Variants in SNX18 observed in about 807,000 individuals in gnomAD.
SNX18 encodes the protein sorting nexin-18.
A neutral mutation model predicts 48.7 loss-of-function variants in SNX18; 35 were observed. That is an observed-to-expected ratio of 0.72 (90% CI 0.55 to 0.95). SNX18 has a LOEUF of 0.95. Ranked by LOEUF, SNX18 falls within the 40% of genes least tolerant of loss-of-function variation. The probability of loss-of-function intolerance (pLI) is 0.00; values close to 1 mark genes in which losing one functional copy is unlikely to be tolerated. For missense variants in SNX18, 824 were observed against 871.0 expected, an observed-to-expected ratio of 0.95 and a Z score of 0.68; for synonymous variants, 492 against 384.7, an observed-to-expected ratio of 1.28 and a Z score of -3.26.
At position 54,538,438 on chromosome 5, in the gene SNX18, A is replaced by G. The variant is rs932652892; in HGVS notation, c.1622-4741A>G. Among the ~76,000 whole-genome samples, 5 of 151,700 alleles carry G rather than the reference A, an allele frequency of 3.3e-5. No individual in the cohort carries two copies. The East Asian group carries it at 5.8e-4, about 18-fold the overall frequency. Reference sequence around the variant, plus strand: ...TCACTTGAGCTGTTTAAAAGATGTCATATTTTTTTTTCTGTTTACTTCTAG... The same window carrying G: ...TCACTTGAGCTGTTTAAAAGATGTCGTATTTTTTTTTCTGTTTACTTCTAG... On this transcript the variant is annotated intron_variant, in intron 1 of 1. Transcript: ENST00000381410.
chr5:54,541,402 T>G (rs1446466842), intron 1 of SNX18, among the ~76,000 whole-genome samples: 1 of 152,230 alleles, frequency 6.6e-6, no homozygotes, highest in East Asian at 1.9e-4. Flanking sequence ...ATAAATGTTT[T>G]GCAATAAATT....
At chr5:54,589,760 C>T in the SNX18 span, among the ~76,000 whole-genome samples, 1 of 152,132 alleles carries the variant, frequency 6.6e-6, no homozygotes, top group African/African-American at 2.4e-5. Flanking sequence ...TCAATGGATT[C>T]TGCAAAACTA....
chr5:54,587,857 G>A, the SNX18 span, among the ~76,000 whole-genome samples: 1 of 152,314 alleles, frequency 6.6e-6, no homozygotes, highest in South Asian at 2.1e-4. Context: ...TGGCCATCAA[G>A]GATACAGTGT....
the SNX18 span, among the ~76,000 whole-genome samples, chr5:54,626,065 A>G: frequency 2.0e-5 from 3 of 152,240 alleles, no homozygotes; most frequent in Admixed American, 2.0e-4. Flanking sequence ...GCATGATCCA[A>G]TAAAAAAGAC....
At chr5:54,520,785 T>C (rs1413553660) in intron 1 of SNX18, 2 of 167,152 alleles carry the variant, frequency 1.2e-5, no homozygotes, top group Non-Finnish European at 2.9e-5. Context: ...GTGACTGGTC[T>C]TCTGACTCCT....
At chr5:54,588,195 T>C in the SNX18 span, among the ~76,000 whole-genome samples, 1 of 152,092 alleles carries the variant, frequency 6.6e-6, no homozygotes, top group South Asian at 2.1e-4. Context: ...CTAAAAATTC[T>C]GTTTCTAGGC....
chr5:54,573,524 C>A, the SNX18 span, among the ~76,000 whole-genome samples: 1 of 152,144 alleles, frequency 6.6e-6, no homozygotes, highest in Non-Finnish European at 1.5e-5. Context: ...CTTTGAGTAT[C>A]CCCTGATGCA....
the SNX18 span, among the ~76,000 whole-genome samples, chr5:54,565,193 A>G: frequency 3.9e-5 from 6 of 152,336 alleles, no homozygotes; most frequent in African/African-American, 1.4e-4. Context: ...TAGCCATATA[A>G]CATAAAATGT....
the SNX18 span, among the ~76,000 whole-genome samples, chr5:54,615,743 G>A: frequency 2.0e-5 from 3 of 152,148 alleles, no homozygotes; most frequent in Admixed American, 6.5e-5. Flanking sequence ...AAAAAAATGT[G>A]CATGATCCTC....
At chr5:54,616,527 C>A in the SNX18 span, among the ~76,000 whole-genome samples, 1 of 152,148 alleles carries the variant, frequency 6.6e-6, no homozygotes, top group Non-Finnish European at 1.5e-5. Flanking sequence ...AATCCCATCA[C>A]TTTGGGTGGC....
chr5:54,589,638 C>G, the SNX18 span, among the ~76,000 whole-genome samples: 3 of 152,182 alleles, frequency 2.0e-5, no homozygotes, highest in African/African-American at 7.2e-5. Context: ...TATGGGGGTG[C>G]CCAACAGGCC....
the SNX18 span, among the ~76,000 whole-genome samples, chr5:54,580,561 G>A: frequency 3.6e-4 from 55 of 152,260 alleles, no homozygotes; most frequent in South Asian, 6.4e-3. Flanking sequence ...TATATTTTCT[G>A]GAGTGTGCTA....
the SNX18 span, among the ~76,000 whole-genome samples, chr5:54,618,873 GAC>G: frequency 1.3e-5 from 2 of 151,938 alleles, no homozygotes; most frequent in Non-Finnish European, 2.9e-5. Context: ...TAATAAAGGA[GAC>G]AAGTTTTATA....
chr5:54,614,475 G>C, the SNX18 span, among the ~76,000 whole-genome samples: 1 of 152,090 alleles, frequency 6.6e-6, no homozygotes, highest in South Asian at 2.1e-4. Context: ...TAATATACAT[G>C]TTCTTTCTAA....
At chr5:54,540,336 C>T (rs1453121161) in intron 1 of SNX18, among the ~76,000 whole-genome samples, 1 of 152,082 alleles carries the variant, frequency 6.6e-6, no homozygotes, top group East Asian at 1.9e-4. Context: ...CCTCCTCAGC[C>T]TCCTGAGTAG....
intron 1 of SNX18, chr5:54,519,891 G>A (rs12522213): frequency 1.4e-6 from 2 of 1,459,202 alleles, no homozygotes; most frequent in Non-Finnish European, 1.9e-6. Context: ...TTGAGACGAG[G>A]GTAGAATTAG....
chr5:54,635,468 G>A, the SNX18 span, among the ~76,000 whole-genome samples: 1 of 152,058 alleles, frequency 6.6e-6, no homozygotes, highest in Non-Finnish European at 1.5e-5. Context: ...TCTGCTCCAG[G>A]CTTTAAGGAG....
intron 1 of SNX18, among the ~76,000 whole-genome samples, chr5:54,539,940 C>T (rs569921996): frequency 3.3e-5 from 5 of 151,878 alleles, no homozygotes; most frequent in African/African-American, 1.2e-4. Flanking sequence ...GGTGCGATTT[C>T]GGCTCACTGC....
Position 54,545,764 on chromosome 5 carries a change from A to C in SNX18, c.*2332A>C, listed in dbSNP as rs1762567798. The C allele has an allele frequency of 6.6e-6, 1 of 152,208 alleles. No individual in the cohort carries two copies. The highest frequency in any genetic ancestry group is 1.5e-5 in the Non-Finnish European group (1 of 68,036). The allele number at this position is 152,208 out of a possible 1,614,324, so 9.4% of individuals were successfully genotyped here. ...CTATTGAAACATTGCAGTATGCAAA[A>C]CTACTGCAATGTTAAACCCAAGAGA... On this transcript the variant is annotated 3_prime_UTR_variant, in exon 2 of 2. Transcript: ENST00000381410.
Sources: gnomAD v4.1 joint callset for allele counts (sites outside exome capture counted in the v4.1 genomes callset) on GRCh38, gnomAD v4.1.1 for gene constraint, MANE v1.5 for transcripts, NCBI Gene and HGNC (gene_info 2026-07-23, HGNC 2026-07-21) for gene names.